ASTN2: variants seen among roughly 807,000 people sequenced by gnomAD.
ASTN2 encodes the protein astrotactin-2.
ASTN2 carries 54 observed loss-of-function variants against 139.8 expected under a neutral mutation model. That is an observed-to-expected ratio of 0.39 (90% CI 0.31 to 0.48). ASTN2 has a LOEUF of 0.48. Among genes scored for constraint, ASTN2 ranks in the 20% least tolerant of loss-of-function variants. ASTN2 has a pLI of 0.95. For synonymous variants in ASTN2, 756 were observed against 719.5 expected (o/e 1.05, Z -0.81); for missense variants, 1,565 against 1,725.1 (o/e 0.91, Z 1.64).
At chr9:117,061,350 A>G (rs552475316) in intron 5 of ASTN2, among the ~76,000 whole-genome samples, 1 of 51,576 alleles carries the variant, frequency 1.9e-5, no homozygotes, top group African/African-American at 7.3e-5. Context: ...ATGTTTACAA[A>G]TCATGATGTA....
At chr9:116,557,140 C>T (rs914357885) in intron 19 of ASTN2, among the ~76,000 whole-genome samples, 4 of 135,808 alleles carry the variant, frequency 2.9e-5, no homozygotes, top group South Asian at 2.5e-4. Flanking sequence ...AGGAGAATGG[C>T]GTGAACCTGG....
At chr9:117,187,357 A>G (rs540285504) in intron 3 of ASTN2, among the ~76,000 whole-genome samples, 87 of 152,082 alleles carry the variant, frequency 5.7e-4, no homozygotes, top group Non-Finnish European at 1.1e-3. Flanking sequence ...AGGCCCTGAG[A>G]TTGATGAAGA....
At chr9:116,437,840 C>A (rs1477566396) in intron 22 of ASTN2, among the ~76,000 whole-genome samples, 1 of 152,186 alleles carries the variant, frequency 6.6e-6, no homozygotes, top group African/African-American at 2.4e-5. Flanking sequence ...CAGGACCCAA[C>A]ATAACTGATA....
chr9:117,269,031 T>C (rs1001174133), intron 2 of ASTN2, among the ~76,000 whole-genome samples: 1 of 152,208 alleles, frequency 6.6e-6, no homozygotes, highest in African/African-American at 2.4e-5. Flanking sequence ...AGACAAGCAA[T>C]CAGCACAATG....
rs535580591 is a variant in ASTN2 at position 116,715,166 on chromosome 9, C to A, written c.2806+10605G>T. ...GTTTTTCCAGCTATTCCCCTGGTAT[C>A]TCCCAAAGTGGCCAGTTGTTTTCAC... On this transcript the variant is annotated intron_variant, in intron 16 of 22. Transcript: ENST00000313400. Among the ~76,000 whole-genome samples, 280 of 151,566 alleles carry A rather than the reference C, an allele frequency of 1.8e-3. 15 individuals are homozygous for A. The highest frequency in any genetic ancestry group is 1.4e-3 in the Admixed American group (22 of 15,212).
intron 11 of ASTN2, among the ~76,000 whole-genome samples, chr9:116,858,438 G>A (rs1952225): frequency 0.36 from 54,899 of 152,086 alleles, 11,101 homozygotes; most frequent in Middle Eastern, 0.47. Context: ...AGTGAAGTGC[G>A]TCAGGGGGCA....
At chr9:116,727,013 AACAC>A (rs34050784) in intron 15 of ASTN2, among the ~76,000 whole-genome samples, 23,888 of 144,266 alleles carry the variant, frequency 0.17, 2,091 homozygotes, top group East Asian at 0.37. Context: ...CACTACACTC[AACAC>A]ACACACACAC....
chr9:116,442,364 T>C, intron 21 of ASTN2, 89 bp downstream of exon 21: 1 of 980,716 alleles, frequency 1.0e-6, no homozygotes, highest in South Asian at 1.3e-5. Flanking sequence ...AGGGTGTGCG[T>C]GTGTGTGTTT....
intron 4 of ASTN2, among the ~76,000 whole-genome samples, chr9:117,136,655 C>G (rs944493434): frequency 6.6e-6 from 1 of 152,090 alleles, no homozygotes; most frequent in African/African-American, 2.4e-5. Flanking sequence ...TCGGTGCCAA[C>G]GCTGCTGCAG....
At chr9:117,390,554 T>C (rs984042385) in intron 1 of ASTN2, among the ~76,000 whole-genome samples, 2 of 152,242 alleles carry the variant, frequency 1.3e-5, no homozygotes, top group African/African-American at 4.8e-5. Flanking sequence ...GTCTCCATAG[T>C]CTTGCCTTTT....
At chr9:116,629,786 G>C (rs1856650879) in intron 17 of ASTN2, among the ~76,000 whole-genome samples, 1 of 152,126 alleles carries the variant, frequency 6.6e-6, no homozygotes, top group Admixed American at 6.5e-5. Flanking sequence ...ACAGGAAGAA[G>C]ACATTTAGAA....
chr9:116,873,911 TC>T (rs749668797), intron 10 of ASTN2, among the ~76,000 whole-genome samples: 3 of 152,188 alleles, frequency 2.0e-5, no homozygotes, highest in Admixed American at 6.5e-5. Context: ...TCCTGAGGCC[TC>T]CCCAGCTATG....
At chr9:117,125,753 C>A (rs906935067) in intron 4 of ASTN2, among the ~76,000 whole-genome samples, 3 of 151,472 alleles carry the variant, frequency 2.0e-5, no homozygotes, top group African/African-American at 4.9e-5. Context: ...AAGTTGGATA[C>A]AAACTCCATC....
chr9:116,707,285 C>CAAAAAAAAAAAAAAA (rs766053427), intron 16 of ASTN2, among the ~76,000 whole-genome samples: 1 of 60,638 alleles, frequency 1.6e-5, no homozygotes, highest in Non-Finnish European at 3.0e-5. Flanking sequence ...GCCCCCTGAC[C>CAAAAAAAAAAAAAAA]AAAAAAAAAA....
chr9:116,578,073 G>A (rs1564129719), intron 19 of ASTN2, among the ~76,000 whole-genome samples: 1 of 152,100 alleles, frequency 6.6e-6, no homozygotes, highest in East Asian at 1.9e-4. Flanking sequence ...TCCTTTCTCT[G>A]ACTACAGAGT....
intron 7 of ASTN2, among the ~76,000 whole-genome samples, chr9:116,990,193 G>C (rs560281299): frequency 2.7e-5 from 4 of 149,670 alleles, no homozygotes; most frequent in Non-Finnish European, 5.9e-5. Context: ...GGCACATAAA[G>C]GTGCCACCAA....
At chr9:117,226,585 T>G (rs189788323) in intron 2 of ASTN2, among the ~76,000 whole-genome samples, 148 of 145,282 alleles carry the variant, frequency 1.0e-3, no homozygotes, top group African/African-American at 3.8e-3. Context: ...CAGGTCCTCA[T>G]AAAGCGGGTT....
At chr9:116,471,727 T>C (rs1307384710) in intron 20 of ASTN2, among the ~76,000 whole-genome samples, 1 of 152,152 alleles carries the variant, frequency 6.6e-6, no homozygotes, top group Non-Finnish European at 1.5e-5. Flanking sequence ...ACATATGGAA[T>C]ATTTGGTTTT....
intron 2 of ASTN2, among the ~76,000 whole-genome samples, chr9:117,265,884 A>C (rs1272081600): frequency 6.6e-6 from 1 of 152,178 alleles, no homozygotes. Flanking sequence ...GGCCATAAAG[A>C]ATAGTTTATA....
Sources: gnomAD v4.1 joint callset for allele counts (sites outside exome capture counted in the v4.1 genomes callset) on GRCh38, gnomAD v4.1.1 for gene constraint, MANE v1.5 for transcripts, NCBI Gene and HGNC (gene_info 2026-07-23, HGNC 2026-07-21) for gene names.